Variants in NCOR1 observed in about 807,000 individuals in gnomAD.
NCOR1 encodes the protein protein phosphatase 1, regulatory subunit 109.
Under a neutral mutation model 288.1 loss-of-function variants are expected in NCOR1, and 63 were observed. The ratio of observed to expected loss-of-function variants is 0.22; its 90% confidence interval spans 0.18 to 0.27. The LOEUF is 0.27. Ranked by LOEUF, NCOR1 falls within the 10% of genes least tolerant of loss-of-function variation. The pLI, the probability that NCOR1 is intolerant of heterozygous loss-of-function variation, is 1.00. For missense variants in NCOR1, 2,397 were observed against 3,019.2 expected, an observed-to-expected ratio of 0.79 and a Z score of 4.83; for synonymous variants, 1,007 against 1,065.9, an observed-to-expected ratio of 0.94 and a Z score of 1.08.
At position 16,126,099 on chromosome 17, in the gene NCOR1, A is replaced by G. The variant is rs1319626209; in HGVS notation, c.1617T>C (p.Asp539=). 1 of 1,367,256 alleles carries G rather than the reference A, an allele frequency of 7.3e-7. No homozygotes were observed. Among genetic ancestry groups the G allele is most frequent in the Admixed American group, 2.3e-5 (1 of 42,722 alleles). The allele number at this position is 1,367,256 out of a possible 1,614,324, so 84.7% of individuals were successfully genotyped here. The change falls in exon 15 of 46, where the codon GAT becomes GAC. Residue 539 remains aspartate, a synonymous_variant. Transcript: ENST00000268712. The stretch of plus-strand genomic sequence containing the variant: ...TAACTCACTTGGAGTCTTCTTTTTC[A>G]TCTTTTTCCTCTTCATCTTTCTTTT... ...EEEKKDEEEK[D]EKEDSKENTK...
Position 16,064,870 on chromosome 17 carries a change from C to A in NCOR1, c.5101G>T (p.Gly1701Ter). 6.2e-7 allele frequency: 1 copy of A among 1,607,298 alleles called. No individual in the cohort carries two copies. The highest frequency in any genetic ancestry group is 8.5e-7 in the Non-Finnish European group (1 of 1,175,820). The part of the protein sequence containing the change: ...RPYNSASMSP[G>*]HPTHLAAAAS... Reference sequence around the variant, plus strand: ...GAGGTGTGTAACTGTACAATCTCACCTGGAGACATGGAAGCAGAGTTGTAC... The same window carrying A: ...GAGGTGTGTAACTGTACAATCTCACATGGAGACATGGAAGCAGAGTTGTAC... The change falls in exon 34 of 46, where the codon GGA becomes TGA. Residue 1701 changes from glycine to a stop codon, truncating the protein, a stop_gained and splice_region_variant. Transcript: ENST00000268712. LOFTEE classifies it high-confidence loss of function.
intron 4 of NCOR1, among the ~76,000 whole-genome samples, chr17:16,165,773 T>G (rs1307586741): frequency 6.6e-6 from 1 of 152,138 alleles, no homozygotes; most frequent in Non-Finnish European, 1.5e-5. Flanking sequence ...TGCCTCCAAA[T>G]CAGCAGAGCT....
chr17:16,066,508 ATGAAGACAATGAT>A (rs2061141425), intron 32 of NCOR1, among the ~76,000 whole-genome samples: 1 of 152,344 alleles, frequency 6.6e-6, no homozygotes, highest in South Asian at 2.1e-4. Context: ...CCACTACAAA[ATGAAGACAATGAT>A]AAACACTAAA....
chr17:16,062,850 C>G (rs1425257151), intron 35 of NCOR1, among the ~76,000 whole-genome samples: 2 of 152,186 alleles, frequency 1.3e-5, no homozygotes, highest in African/African-American at 4.8e-5. Flanking sequence ...TTGGCTCCCA[C>G]AATTACACTT....
intron 26 of NCOR1, among the ~76,000 whole-genome samples, chr17:16,078,144 G>A (rs907311959): frequency 6.6e-6 from 1 of 152,164 alleles, no homozygotes; most frequent in Non-Finnish European, 1.5e-5. Context: ...AATCTAATAC[G>A]TAGAGCATTT....
At chr17:16,130,113 A>G (rs1325214846) in intron 14 of NCOR1, among the ~76,000 whole-genome samples, 1 of 152,232 alleles carries the variant, frequency 6.6e-6, no homozygotes, top group Non-Finnish European at 1.5e-5. Context: ...GTACCTGTCC[A>G]GCAGAACCTC....
chr17:16,125,947 G>A (rs917990213), intron 15 of NCOR1, 135 bp downstream of exon 15: 5 of 498,252 alleles, frequency 1.0e-5, no homozygotes, highest in Non-Finnish European at 1.0e-5. Flanking sequence ...CTATTTGGGC[G>A]ATGGTACACT....
chr17:16,125,742 T>G (rs2073929711), intron 15 of NCOR1, among the ~76,000 whole-genome samples: 1 of 145,206 alleles, frequency 6.9e-6, no homozygotes, highest in South Asian at 2.2e-4. Context: ...TGCAGCAACA[T>G]GGATCAAACT....
At chr17:16,080,294 T>C (rs1312836958) in intron 25 of NCOR1, 114 bp downstream of exon 25, 2 of 989,442 alleles carry the variant, frequency 2.0e-6, no homozygotes, top group Non-Finnish European at 2.9e-6. Flanking sequence ...AAAACAAATT[T>C]AGAATTTAAA....
At chr17:16,201,132 T>C (rs1445509957) in intron 1 of NCOR1, among the ~76,000 whole-genome samples, 2 of 152,236 alleles carry the variant, frequency 1.3e-5, no homozygotes, top group Non-Finnish European at 2.9e-5. Context: ...CAAGGTATTT[T>C]ATTTGCAGCC....
intron 29 of NCOR1, among the ~76,000 whole-genome samples, chr17:16,071,911 A>G (rs1309432050): frequency 6.6e-6 from 1 of 152,232 alleles, no homozygotes; most frequent in East Asian, 1.9e-4. Context: ...TGCATCATTC[A>G]TAATAGTCAC....
chr17:16,175,834 TAA>T (rs66939235), intron 3 of NCOR1, among the ~76,000 whole-genome samples: 310 of 144,736 alleles, frequency 2.1e-3, no homozygotes, highest in Middle Eastern at 3.5e-3. Flanking sequence ...TTGTCTCTTT[TAA>T]AAAAAAAAAA....
chr17:16,069,875 C>A (rs1253741078), intron 31 of NCOR1, among the ~76,000 whole-genome samples: 1 of 152,204 alleles, frequency 6.6e-6, no homozygotes, highest in Non-Finnish European at 1.5e-5. Flanking sequence ...TCAAAACTGA[C>A]TTCCAGAAAA....
At chr17:16,192,994 C>T (rs2088853971) in intron 2 of NCOR1, among the ~76,000 whole-genome samples, 1 of 152,086 alleles carries the variant, frequency 6.6e-6, no homozygotes, top group Non-Finnish European at 1.5e-5. Context: ...GAAAGCAGAT[C>T]AGTGGTTTCC....
chr17:16,189,820 T>C (rs1055095395), intron 2 of NCOR1, among the ~76,000 whole-genome samples: 3 of 152,202 alleles, frequency 2.0e-5, no homozygotes, highest in African/African-American at 7.2e-5. Context: ...CCTACAAAGT[T>C]AGAAGGATCA....
chr17:16,142,645 G>A (rs983396856), intron 11 of NCOR1, among the ~76,000 whole-genome samples: 11 of 152,130 alleles, frequency 7.2e-5, no homozygotes, highest in African/African-American at 1.4e-4. Flanking sequence ...TAAAATAACC[G>A]CACTCATGAA....
intron 36 of NCOR1, 43 bp downstream of exon 36, chr17:16,062,062 A>G: frequency 6.2e-7 from 1 of 1,604,360 alleles, no homozygotes; most frequent in South Asian, 1.1e-5. Context: ...TAAAATGTAT[A>G]TGCAAGAGAC....
At chr17:16,214,156 T>C (rs961559515) in intron 1 of NCOR1, among the ~76,000 whole-genome samples, 2 of 152,222 alleles carry the variant, frequency 1.3e-5, no homozygotes, top group African/African-American at 2.4e-5. Context: ...CATTCTAAAA[T>C]TGGTCTGCTC....
chr17:16,183,031 C>T (rs1249312513), intron 3 of NCOR1, among the ~76,000 whole-genome samples: 2 of 151,658 alleles, frequency 1.3e-5, no homozygotes, highest in African/African-American at 4.8e-5. Context: ...AAGGAAAGTT[C>T]CTTAACATAA....
Sources: gnomAD v4.1 joint callset for allele counts (sites outside exome capture counted in the v4.1 genomes callset) on GRCh38, gnomAD v4.1.1 for gene constraint, MANE v1.5 for transcripts, NCBI Gene and HGNC (gene_info 2026-07-23, HGNC 2026-07-21) for gene names.